The following RP1 variants were observed in gnomAD, a reference collection of about 807,000 sequenced individuals.
The protein encoded by RP1 is RP1 axonemal microtubule associated.
RP1 carries 16 observed loss-of-function variants against 14.8 expected under a neutral mutation model. That is an observed-to-expected ratio of 1.08 (90% CI 0.73 to 1.65). The LOEUF is 1.65. Ranked by LOEUF, RP1 falls within the 40% of genes most tolerant of loss-of-function variation. RP1 has a pLI of 0.00. For missense variants in RP1, 2,631 were observed against 2,535.0 expected, an observed-to-expected ratio of 1.04 and a Z score of -0.81; for synonymous variants, 876 against 883.6, an observed-to-expected ratio of 0.99 and a Z score of 0.15.
chr8:54,845,274 A>T (rs1236832105), intron 25 of RP1, among the ~76,000 whole-genome samples: 2 of 152,206 alleles, frequency 1.3e-5, no homozygotes, highest in Non-Finnish European at 2.9e-5. Context: ...GGTGAGGAGC[A>T]GCCGCTGCCT....
At chr8:54,759,103 A>G (rs774309510) in intron 22 of RP1, 27 of 1,531,450 alleles carry the variant, frequency 1.8e-5, no homozygotes, top group Non-Finnish European at 2.4e-5. Flanking sequence ...AGATACTTCA[A>G]AAGAGTATGC....
At chr8:54,779,934 A>G (rs528423404) in intron 23 of RP1, among the ~76,000 whole-genome samples, 15 of 152,328 alleles carry the variant, frequency 9.8e-5, no homozygotes, top group Middle Eastern at 3.4e-3. Flanking sequence ...AACCACTCCC[A>G]AACTCAGTGG....
At chr8:54,798,300 C>T (rs1478125250) in intron 24 of RP1, among the ~76,000 whole-genome samples, 1 of 152,128 alleles carries the variant, frequency 6.6e-6, no homozygotes, top group Admixed American at 6.5e-5. Flanking sequence ...GCATGAACCA[C>T]CACACCCAAC....
intron 25 of RP1, among the ~76,000 whole-genome samples, chr8:54,849,237 A>C (rs1281893924): frequency 1.3e-5 from 2 of 152,014 alleles, no homozygotes; most frequent in East Asian, 3.9e-4. Context: ...ATTAAAAAAA[A>C]ATACCAGAAG....
At chr8:54,736,119 T>A (rs752741021) in intron 18 of RP1, among the ~76,000 whole-genome samples, 5 of 152,198 alleles carry the variant, frequency 3.3e-5, no homozygotes, top group Admixed American at 6.5e-5. Flanking sequence ...AGCACTAGAC[T>A]GCAAATCGGA....
At chr8:54,649,478 G>A (rs1364479387) in intron 4 of RP1, among the ~76,000 whole-genome samples, 2 of 152,076 alleles carry the variant, frequency 1.3e-5, no homozygotes, top group Non-Finnish European at 2.9e-5. Flanking sequence ...AACAAGGAAG[G>A]CAAAAAAGTT....
chr8:54,794,106 A>G lies in RP1; in HGVS notation c.3615+10396A>G, dbSNP rs1196290944. Among the ~76,000 whole-genome samples, 6 of 152,050 alleles carry G rather than the reference A, an allele frequency of 3.9e-5. No individual in the cohort carries two copies. In the South Asian group the frequency reaches 8.3e-4, roughly 21 times the overall value. On this transcript the variant is annotated intron_variant, in intron 24 of 28. Transcript: ENST00000637698. ...GATATTCCATGTTCATGGATCAGAA[A>G]AATTAATATTATTAAAATATACATA... is the stretch of plus-strand genomic sequence containing the variant.
At chr8:54,719,004 G>T (rs938413311) in intron 15 of RP1, among the ~76,000 whole-genome samples, 1 of 152,140 alleles carries the variant, frequency 6.6e-6, no homozygotes, top group Non-Finnish European at 1.5e-5. Flanking sequence ...TCATTTAGGA[G>T]GTTTGGGAAT....
chr8:54,855,113 T>G (rs1266799289), intron 26 of RP1, among the ~76,000 whole-genome samples: 1 of 152,224 alleles, frequency 6.6e-6, no homozygotes, highest in Non-Finnish European at 1.5e-5. Context: ...ACTTTATGTG[T>G]CTATGAGTTG....
chr8:54,585,675 T>C (rs1804904298), intron 1 of RP1, among the ~76,000 whole-genome samples: 1 of 152,198 alleles, frequency 6.6e-6, no homozygotes, highest in Non-Finnish European at 1.5e-5. Flanking sequence ...GTCCTATATT[T>C]CTTGGAGGCT....
intron 24 of RP1, among the ~76,000 whole-genome samples, chr8:54,801,250 C>T (rs143447528): frequency 6.6e-6 from 1 of 152,260 alleles, no homozygotes; most frequent in African/African-American, 2.4e-5. Context: ...AGCTGTATTC[C>T]ACTGTTATTT....
At chr8:54,864,893 C>T (rs1812425701) in intron 27 of RP1, among the ~76,000 whole-genome samples, 1 of 152,118 alleles carries the variant, frequency 6.6e-6, no homozygotes, top group South Asian at 2.1e-4. Context: ...ATGTAAAACA[C>T]TTTGGTGAAT....
intron 19 of RP1, among the ~76,000 whole-genome samples, chr8:54,743,025 A>G (rs1809137023): frequency 6.6e-6 from 1 of 152,190 alleles, no homozygotes; most frequent in African/African-American, 2.4e-5. Context: ...ACACTAATTA[A>G]TTGATTGAAT....
intron 4 of RP1, chr8:54,652,699 A>G: frequency 1.1e-6 from 1 of 908,678 alleles, no homozygotes; most frequent in Non-Finnish European, 1.7e-6. Context: ...CCCTTTATCA[A>G]CATTTCATGT....
chr8:54,574,554 C>A (rs1804603167), intron 1 of RP1, among the ~76,000 whole-genome samples: 1 of 152,004 alleles, frequency 6.6e-6, no homozygotes, highest in African/African-American at 2.4e-5. Context: ...GGAGATGTAG[C>A]CCTAAATTTG....
chr8:54,797,062 A>G (rs1446572961), intron 24 of RP1, among the ~76,000 whole-genome samples: 1 of 152,196 alleles, frequency 6.6e-6, no homozygotes, highest in Non-Finnish European at 1.5e-5. Context: ...GAGAGAGCAC[A>G]ACAGTGTAAA....
chr8:54,598,368 C>T (rs1211344115), intron 1 of RP1, among the ~76,000 whole-genome samples: 2 of 152,098 alleles, frequency 1.3e-5, no homozygotes, highest in Middle Eastern at 3.2e-3. Flanking sequence ...CTGATGTAGA[C>T]ATTTTACCAG....
At chr8:54,595,279 G>A (rs1805116207) in intron 1 of RP1, among the ~76,000 whole-genome samples, 1 of 151,794 alleles carries the variant, frequency 6.6e-6, no homozygotes, top group African/African-American at 2.4e-5. Flanking sequence ...ACAGGCGCCC[G>A]CCACCATGCC....
intron 24 of RP1, among the ~76,000 whole-genome samples, chr8:54,804,133 A>C (rs1345109757): frequency 1.1e-5 from 1 of 90,706 alleles, no homozygotes; most frequent in African/African-American, 5.0e-5. Flanking sequence ...ATAATAAATG[A>C]TTACATATGT....
Sources: gnomAD v4.1 joint callset for allele counts (sites outside exome capture counted in the v4.1 genomes callset) on GRCh38, gnomAD v4.1.1 for gene constraint, MANE v1.5 for transcripts, NCBI Gene and HGNC (gene_info 2026-07-23, HGNC 2026-07-21) for gene names.